Variants in SOX6 observed in about 807,000 individuals in gnomAD.
SOX6 encodes transcription factor SOX-6.
SOX6 carries 11 observed loss-of-function variants against 97.8 expected under a neutral mutation model. That is an observed-to-expected ratio of 0.11 (90% confidence interval 0.07 to 0.19). The LOEUF is 0.19. Ranked by LOEUF, SOX6 falls within the 10% of genes least tolerant of loss-of-function variation. The pLI is 1.00. For missense variants in SOX6, 810 were observed against 1,039.5 expected (o/e 0.78, Z 3.04); for synonymous variants, 360 against 371.4 (o/e 0.97, Z 0.35).
chr11:16,734,219 T>G (rs1269058584), intron 2 of SOX6, among the ~76,000 whole-genome samples: 1 of 152,152 alleles, frequency 6.6e-6, no homozygotes, highest in African/African-American at 2.4e-5. Context: ...GCCTGCCCAA[T>G]GGACAGAATG....
At chr11:16,103,308 C>A (rs1367261776) in intron 7 of SOX6, among the ~76,000 whole-genome samples, 1 of 151,676 alleles carries the variant, frequency 6.6e-6, no homozygotes, top group Non-Finnish European at 1.5e-5. Flanking sequence ...AAGTGCAAAT[C>A]AAAACCACAA....
At chr11:16,521,098 G>A (rs902542053) in intron 4 of SOX6, among the ~76,000 whole-genome samples, 1 of 152,160 alleles carries the variant, frequency 6.6e-6, no homozygotes, top group African/African-American at 2.4e-5. Flanking sequence ...AGACTTAAAT[G>A]TCCCTGTCTG....
chr11:16,308,492 A>G (rs1052663573), intron 3 of SOX6, among the ~76,000 whole-genome samples: 1 of 152,168 alleles, frequency 6.6e-6, no homozygotes, highest in African/African-American at 2.4e-5. Context: ...ATGCACATCA[A>G]TCCCAAGCCA....
At chr11:16,565,561 T>C (rs540738726) in intron 4 of SOX6, among the ~76,000 whole-genome samples, 2 of 151,338 alleles carry the variant, frequency 1.3e-5, no homozygotes, top group East Asian at 1.9e-4. Flanking sequence ...CAAACAAGTA[T>C]CCACAGTAAC....
intron 2 of SOX6, among the ~76,000 whole-genome samples, chr11:16,336,006 G>A (rs1360136765): frequency 6.6e-6 from 1 of 152,172 alleles, no homozygotes; most frequent in Non-Finnish European, 1.5e-5. Context: ...AACTCCCCTG[G>A]AGGAATTTAA....
intron 13 of SOX6, among the ~76,000 whole-genome samples, chr11:16,001,577 C>T (rs993552497): frequency 6.6e-6 from 1 of 152,122 alleles, no homozygotes; most frequent in Non-Finnish European, 1.5e-5. Flanking sequence ...AATTTCAAAG[C>T]CCACCATTTC....
chr11:16,547,849 C>G (rs1183600295), intron 4 of SOX6, among the ~76,000 whole-genome samples: 1 of 152,108 alleles, frequency 6.6e-6, no homozygotes, highest in Non-Finnish European at 1.5e-5. Context: ...CTAACTTGAT[C>G]ATTACACATT....
intron 1 of SOX6, among the ~76,000 whole-genome samples, chr11:16,409,324 A>T (rs1205014709): frequency 6.6e-6 from 1 of 151,672 alleles, no homozygotes; most frequent in Non-Finnish European, 1.5e-5. Context: ...ATTGGGGGAA[A>T]ACAGCTATGT....
At chr11:16,187,138 T>G (rs1035447142) in intron 4 of SOX6, among the ~76,000 whole-genome samples, 183 bp from the exon 5 acceptor site, 1 of 150,682 alleles carries the variant, frequency 6.6e-6, no homozygotes, top group Admixed American at 6.6e-5. Flanking sequence ...AAAGCTAGGG[T>G]TCCTCACTGT....
At chr11:16,009,337 G>A (rs961176752) in intron 13 of SOX6, among the ~76,000 whole-genome samples, 17 of 152,078 alleles carry the variant, frequency 1.1e-4, no homozygotes, top group Admixed American at 4.6e-4. Context: ...AAACCATCTA[G>A]ACCAACTTCC....
intron 4 of SOX6, among the ~76,000 whole-genome samples, chr11:16,596,998 C>G (rs1307956296): frequency 6.6e-6 from 1 of 151,784 alleles, no homozygotes; most frequent in Non-Finnish European, 1.5e-5. Context: ...ACAAGAGGGC[C>G]AAAAAAGCCA....
chr11:16,082,151 A>C (rs1848486093), intron 9 of SOX6, among the ~76,000 whole-genome samples: 1 of 152,180 alleles, frequency 6.6e-6, no homozygotes, highest in Non-Finnish European at 1.5e-5. Flanking sequence ...CAATAACATT[A>C]CTATCCCTTC....
rs187266901 is a variant in SOX6 at position 16,356,302 on chromosome 11, C to T, written c.-213G>A. 2.0e-5 allele frequency among the ~76,000 whole-genome samples: 3 copies of T among 150,934 alleles called. No homozygotes were observed. In the East Asian group the frequency reaches 5.8e-4, roughly 29 times the overall value. ...CAATTGTAGCCATAACTTTAAGCAA[C>T]ATCTAATTTGCTAAACAAAACACTG... On this transcript the variant is annotated 5_prime_UTR_variant, in exon 1 of 16. The change abolishes an upstream ATG in the 5' untranslated region. Coordinates refer to ENST00000683767, the MANE Select transcript of SOX6 (RefSeq NM_001367873.1).
chr11:16,139,892 AT>A lies in SOX6; in HGVS notation c.778-27970del, dbSNP rs538664142. ...ATATAATACCACAGAGTTTATTCTT[AT>A]TTTCCTTCATTTCATATTTGTAACT... On this transcript the variant is annotated intron_variant, in intron 6 of 15. Transcript: ENST00000683767. 1.6e-3 allele frequency among the ~76,000 whole-genome samples: 233 copies of A among 149,284 alleles called. 4 individuals are homozygous for A. The highest frequency in any genetic ancestry group is 5.4e-3 in the African/African-American group (222 of 40,756).
At chr11:16,376,123 C>T (rs556100348) in intron 1 of SOX6, among the ~76,000 whole-genome samples, 2 of 152,068 alleles carry the variant, frequency 1.3e-5, no homozygotes, top group African/African-American at 4.8e-5. Context: ...CATGTGTATA[C>T]CTATGTAACA....
At position 16,376,087 on chromosome 11, in the gene SOX6, T is replaced by C. The variant is rs1278040393; in HGVS notation, c.-4-34835A>G. Among the ~76,000 whole-genome samples, 4 of 151,950 alleles carry C rather than the reference T, an allele frequency of 2.6e-5. No individual in the cohort carries two copies. In the South Asian group the frequency reaches 8.3e-4, roughly 31 times the overall value. ...AGAAATACCTAATGTAAATGACAGG[T>C]TGATGGGTGCAGCAAACCACCATGG... On this transcript the variant is annotated intron_variant, in intron 1 of 15. Transcript: ENST00000396356.
At chr11:16,021,251 A>G (rs933389969) in intron 12 of SOX6, among the ~76,000 whole-genome samples, 1 of 152,132 alleles carries the variant, frequency 6.6e-6, no homozygotes, top group Non-Finnish European at 1.5e-5. Flanking sequence ...TTTGTTTTGA[A>G]AGCAAGACAA....
chr11:16,260,248 C>A (rs1218837844), intron 3 of SOX6, among the ~76,000 whole-genome samples: 1 of 152,110 alleles, frequency 6.6e-6, no homozygotes, highest in African/African-American at 2.4e-5. Flanking sequence ...GATCCACTCA[C>A]CTCGGCCTCC....
chr11:16,658,018 T>C (rs968904742), intron 3 of SOX6, among the ~76,000 whole-genome samples: 1 of 152,248 alleles, frequency 6.6e-6, no homozygotes, highest in African/African-American at 2.4e-5. Context: ...TATAAATACA[T>C]ATGAACATCT....
Sources: allele counts gnomAD v4.1 joint callset (sites outside exome capture counted in the v4.1 genomes callset), GRCh38; gene constraint gnomAD v4.1.1; transcripts MANE v1.5; gene names NCBI Gene and HGNC (gene_info 2026-07-23, HGNC 2026-07-21).